FAM216B: variants seen among roughly 807,000 people sequenced by gnomAD.
FAM216B encodes family with sequence similarity 216 member B.
FAM216B carries 11 observed loss-of-function variants against 12.9 expected under a neutral mutation model. The ratio of observed to expected loss-of-function variants is 0.86; its 90% CI spans 0.54 to 1.42. FAM216B has a LOEUF of 1.42. FAM216B is among the 40% of genes most tolerant of loss of function. The pLI, the probability that FAM216B is intolerant of heterozygous loss-of-function variation, is 0.00. For synonymous variants in FAM216B, 52 were observed against 57.2 expected (o/e 0.91, Z 0.41); for missense variants, 167 against 162.9 (o/e 1.02, Z -0.14).
chr13:42,786,908 C>G lies in FAM216B; in HGVS notation c.220+25C>G, dbSNP rs375560512. 1.6e-5 allele frequency: 26 copies of G among 1,612,426 alleles called. No homozygotes were observed. The African/African-American group carries it at 3.1e-4, about 19-fold the overall frequency. ...GGTAAGTTTAACTACGTGATCCAAA[C>G]TAAGCACCTAAGGAATCAACTCGTG... On this transcript the variant is annotated intron_variant, in intron 3 of 3. Transcript: ENST00000313851.
rs1874292787 is a variant in FAM216B, at chr13:42,790,952, T to G, written c.*2162T>G. 1 of 152,144 alleles carries G rather than the reference T, an allele frequency of 6.6e-6. No homozygotes were observed. The highest frequency in any genetic ancestry group is 2.4e-5 in the African/African-American group (1 of 41,424). 9.4% of individuals were successfully genotyped at this position (152,144 alleles called of 1,614,324 possible). ...TTGTGATATTATTCTAGAGTCCCAG[T>G]AACCCACAATTGTTGATGAGGAGTA... On this transcript the variant is annotated 3_prime_UTR_variant, in exon 4 of 4. Transcript: ENST00000313851.
intron 2 of FAM216B, among the ~76,000 whole-genome samples, chr13:42,784,698 G>T (rs968645403): frequency 6.7e-6 from 1 of 148,490 alleles, no homozygotes; most frequent in Non-Finnish European, 1.5e-5. Context: ...GCCGGGCGTC[G>T]TGGCGGGTGT....
chr13:42,790,937 A>G lies in FAM216B; in HGVS notation c.*2147A>G, dbSNP rs1161577238. On this transcript the variant is annotated 3_prime_UTR_variant, in exon 4 of 4. Transcript: ENST00000313851. ...GACTGGCCTCTGGCTTTGTGATATT[A>G]TTCTAGAGTCCCAGTAACCCACAAT... 7 of 152,206 alleles carry G rather than the reference A, an allele frequency of 4.6e-5. No individual in the cohort carries two copies. The highest frequency in any genetic ancestry group is 7.3e-5 in the Non-Finnish European group (5 of 68,032). The allele number at this position is 152,206 out of a possible 1,614,324, so 9.4% of individuals were successfully genotyped here. A position where few individuals can be genotyped will look rare whatever the true frequency, so the allele number is the denominator to read the frequency against.
chr13:42,783,936 C>T (rs1014654938), intron 1 of FAM216B, 118 bp from the exon 2 acceptor site: 1 of 584,812 alleles, frequency 1.7e-6, no homozygotes, highest in Non-Finnish European at 2.9e-6. Context: ...GTTCTTATCC[C>T]TTAGAACAAA....
Position 42,784,173 on chromosome 13 carries a change from C to CTTTTTTTTT in FAM216B, c.99+19_99+27dup, listed in dbSNP as rs71202236. The CTTTTTTTTT allele has an allele frequency of 2.9e-4, 219 of 752,724 alleles. 16 individuals carry two copies. The highest frequency in any genetic ancestry group is 1.2e-3 in the South Asian group (42 of 35,774). The allele number at this position is 752,724 out of a possible 1,614,324, so 46.6% of individuals were successfully genotyped here. On this transcript the variant is annotated splice_region_variant and intron_variant, in intron 2 of 3. Coordinates refer to ENST00000313851, the MANE Select transcript of FAM216B (RefSeq NM_001318932.2). ...TGACACTTCCTTACTAAAGGTATGG[C>CTTTTTTTTT]TTTTTTTTTTTTTTTTTTTTCACAG...
intron 1 of FAM216B, among the ~76,000 whole-genome samples, chr13:42,783,526 A>G (rs902547475): frequency 3.9e-5 from 6 of 152,260 alleles, no homozygotes; most frequent in African/African-American, 1.4e-4. Context: ...ATATGCTCCA[A>G]TGAACATATC....
In FAM216B at chr13:42,788,796, G is replaced by C. The variant is rs766880478; in HGVS notation, c.*6G>C. The C allele has an allele frequency of 1.9e-6, 3 of 1,596,782 alleles. No individual in the cohort carries two copies. The highest frequency in any genetic ancestry group is 2.6e-6 in the Non-Finnish European group (3 of 1,171,992). On this transcript the variant is annotated 3_prime_UTR_variant, in exon 4 of 4. Coordinates refer to ENST00000313851, the MANE Select transcript of FAM216B (RefSeq NM_001318932.2). The stretch of plus-strand genomic sequence containing the variant: ...GCCAAGTGCTCAGGAACTGAGACTT[G>C]GCAGCATTTTCAGAAACAGGAAGTT...
chr13:42,786,636 T>TAAAAAA, intron 2 of FAM216B, 127 bp from the exon 3 acceptor site: 22 of 1,059,534 alleles, frequency 2.1e-5, no homozygotes, highest in East Asian at 2.9e-5. Flanking sequence ...TGTTGCACAT[T>TAAAAAA]AAAAAAAAAA....
In FAM216B at chr13:42,790,579, T is replaced by C. The variant is rs1444920320; in HGVS notation, c.*1789T>C. 6.6e-6 allele frequency: 1 copy of C among 152,190 alleles called. No individual in the cohort carries two copies. Among genetic ancestry groups the C allele is most frequent in the Non-Finnish European group, 1.5e-5 (1 of 68,026 alleles). 9.4% of individuals were successfully genotyped at this position (152,190 alleles called of 1,614,324 possible). On this transcript the variant is annotated 3_prime_UTR_variant, in exon 4 of 4. Transcript: ENST00000313851. The stretch of plus-strand genomic sequence containing the variant: ...CCCTTCTAAGATGATAATATGCCCC[T>C]GCACTTGAGACCTTACTTGAAACTT...
At chr13:42,786,018 A>T (rs1874072986) in intron 2 of FAM216B, among the ~76,000 whole-genome samples, 1 of 152,216 alleles carries the variant, frequency 6.6e-6, no homozygotes, top group Non-Finnish European at 1.5e-5. Context: ...CCACTGCCTT[A>T]AATAAAGACC....
chr13:42,781,916 C>T (rs1873871783), intron 1 of FAM216B, among the ~76,000 whole-genome samples: 1 of 152,092 alleles, frequency 6.6e-6, no homozygotes, highest in South Asian at 2.1e-4. Flanking sequence ...CATATTTATT[C>T]TCTGTTCTAC....
At position 42,789,555 on chromosome 13, in the gene FAM216B, C is replaced by T. The variant is rs74056880; in HGVS notation, c.*765C>T. The T allele has an allele frequency of 2.0e-5, 3 of 152,106 alleles. No individual in the cohort carries two copies. The highest frequency in any genetic ancestry group is 2.0e-4 in the Admixed American group (3 of 15,268). 9.4% of individuals were successfully genotyped at this position (152,106 alleles called of 1,614,324 possible). A position where few individuals can be genotyped will look rare whatever the true frequency, so the allele number is the denominator to read the frequency against. ...TTTAAGCAAAGCACATAAAACTATA[C>T]TAAGCAGTGAGTCAGTTCATCATAC... On this transcript the variant is annotated 3_prime_UTR_variant, in exon 4 of 4. Coordinates refer to ENST00000313851, the MANE Select transcript of FAM216B (RefSeq NM_001318932.2).
chr13:42,787,018 C>T (rs1874119374), intron 3 of FAM216B, 135 bp downstream of exon 3: 2 of 1,343,150 alleles, frequency 1.5e-6, no homozygotes, highest in Non-Finnish European at 2.0e-6. Flanking sequence ...AGCTGGTTAG[C>T]CAAGTTTCAA....
At chr13:42,786,681 A>G (rs997227499) in intron 2 of FAM216B, 82 bp from the exon 3 acceptor site, 4 of 1,477,218 alleles carry the variant, frequency 2.7e-6, no homozygotes, top group Non-Finnish European at 3.6e-6. Context: ...TCTTATTTCC[A>G]TAAAAGTTTG....
At position 42,786,754 on chromosome 13, in the gene FAM216B, T is replaced by C; in HGVS notation, c.100-9T>C. ...ACACTCATCAAAATCACCTGTTCTG[T>C]TCCAACAGGCCCTCAACCAAGGGCA... On this transcript the variant is annotated splice_polypyrimidine_tract_variant and intron_variant, in intron 2 of 3. Transcript: ENST00000313851. The C allele has an allele frequency of 6.2e-7, 1 of 1,613,846 alleles. No homozygotes were observed. The highest frequency in any genetic ancestry group is 8.5e-7 in the Non-Finnish European group (1 of 1,179,830).
chr13:42,783,169 T>C (rs1535889), intron 1 of FAM216B, among the ~76,000 whole-genome samples: 97,807 of 151,686 alleles, frequency 0.64, 31,637 homozygotes, highest in African/African-American at 0.68. Flanking sequence ...AATAATTGGG[T>C]GTGGGGTGTG....
In FAM216B at chr13:42,786,776, G is replaced by A. The variant is rs1272536557; in HGVS notation, c.113G>A (p.Gly38Glu). The A allele has an allele frequency of 6.2e-7, 1 of 1,613,762 alleles. No homozygotes were observed. The highest frequency in any genetic ancestry group is 8.5e-7 in the Non-Finnish European group (1 of 1,179,912). The change falls in exon 3 of 4, where the codon GGG (glycine) becomes GAG (glutamate). Residue 38 changes from glycine (G) to glutamate (E), a missense_variant. Transcript: ENST00000313851. ...DTSLLKALNQ[G>E]QQRYFYSIMR... ...CTGTTCCAACAGGCCCTCAACCAAG[G>A]GCAACAGCGCTACTTTTACAGCATT... is the stretch of plus-strand genomic sequence containing the variant.
intron 1 of FAM216B, among the ~76,000 whole-genome samples, chr13:42,783,835 T>C (rs1477048339): frequency 2.0e-5 from 3 of 152,066 alleles, no homozygotes; most frequent in Non-Finnish European, 4.4e-5. Flanking sequence ...AAATAATTAA[T>C]AATTATTTTT....
Position 42,791,342 on chromosome 13 carries a change from T to C in FAM216B, c.*2552T>C, listed in dbSNP as rs887504802. ...TATAGTTGGCTCTCAGTACATATGG[T>C]GTCAGCTCATGTGTCTCCAGCCCCT... On this transcript the variant is annotated 3_prime_UTR_variant, in exon 4 of 4. Transcript: ENST00000313851. 9 of 152,202 alleles carry C rather than the reference T, an allele frequency of 5.9e-5. No individual in the cohort carries two copies. Among genetic ancestry groups the C allele is most frequent in the African/African-American group, 2.2e-4 (9 of 41,456 alleles). The allele number at this position is 152,202 out of a possible 1,614,324, so 9.4% of individuals were successfully genotyped here.
Sources: allele counts gnomAD v4.1 joint callset (sites outside exome capture counted in the v4.1 genomes callset), GRCh38; gene constraint gnomAD v4.1.1; transcripts MANE v1.5; gene names NCBI Gene and HGNC (gene_info 2026-07-23, HGNC 2026-07-21).